Variants in RAB3GAP2 observed in about 807,000 individuals in gnomAD.
RAB3GAP2 encodes RAB3 GTPase activating non-catalytic protein subunit 2.
A neutral mutation model predicts 185.3 loss-of-function variants in RAB3GAP2; 87 were observed. The ratio of observed to expected loss-of-function variants is 0.47; its 90% CI spans 0.39 to 0.56. The LOEUF (loss-of-function observed/expected upper bound fraction) is 0.56, where lower values mean the gene tolerates loss of function less well. Ranked by LOEUF, RAB3GAP2 falls within the 20% of genes least tolerant of loss-of-function variation. RAB3GAP2 has a pLI of 0.00. For synonymous variants in RAB3GAP2, 554 were observed against 576.1 expected, an observed-to-expected ratio of 0.96 and a Z score of 0.55; for missense variants, 1,492 against 1,638.2, an observed-to-expected ratio of 0.91 and a Z score of 1.54.
chr1:220,247,492 G>A (rs896629794), intron 1 of RAB3GAP2, among the ~76,000 whole-genome samples: 3 of 152,170 alleles, frequency 2.0e-5, no homozygotes, highest in African/African-American at 4.8e-5. Flanking sequence ...TCTAAGTGAA[G>A]TAACTCAGGA....
intron 7 of RAB3GAP2, 94 bp downstream of exon 7, chr1:220,210,294 A>G (rs773546273): frequency 4.5e-5 from 41 of 916,846 alleles, no homozygotes; most frequent in Middle Eastern, 2.1e-4. Flanking sequence ...GCCACAAGAC[A>G]AAGATCTCTT....
Position 220,190,482 on chromosome 1 carries a change from T to C in RAB3GAP2, c.1526A>G (p.Asn509Ser). The C allele has an allele frequency of 1.2e-6, 2 of 1,607,402 alleles. No individual in the cohort carries two copies. The highest frequency in any genetic ancestry group is 8.5e-7 in the Non-Finnish European group (1 of 1,173,918). Reference sequence around the variant, plus strand: ...TGGCTGCCAACTCTGACTGGTAACATTATTTAAACCCATTATTTTATAGCC... The same window carrying C: ...TGGCTGCCAACTCTGACTGGTAACACTATTTAAACCCATTATTTTATAGCC... ...YPGYKIMGLN[N>S]VTSQSWQPQT... is the part of the protein sequence containing the mutation. Residue 509 changes from asparagine (N) to serine (S), a missense_variant, in exon 15 of 35, where the codon AAT becomes AGT. Physicochemically the swap from Asn to Ser is conservative, Grantham distance 46. Transcript: ENST00000358951.
chr1:220,170,981 T>C lies in RAB3GAP2; in HGVS notation c.2717A>G (p.Lys906Arg), dbSNP rs769409654. Residue 906 changes from lysine (K) to arginine (R), a missense_variant, in exon 24 of 35, where the codon AAA becomes AGA. Physicochemically the swap from Lys to Arg is conservative, Grantham distance 26. Coordinates refer to ENST00000358951, the MANE Select transcript of RAB3GAP2 (RefSeq NM_012414.4). ...CACTTTGGAGGTCTGAGTGTTCCCT[T>C]TGCTGTGAAGCAGAGTCTGAAGTAT... Reference protein sequence around the residue: ...CLILQTLLHSKGNTQTSKVSS... With the variant: ...CLILQTLLHSRGNTQTSKVSS... 13 of 1,614,074 alleles carry C rather than the reference T, an allele frequency of 8.1e-6. No individual in the cohort carries two copies. The highest frequency in any genetic ancestry group is 2.2e-5 in the South Asian group (2 of 91,084).
rs954804120 is a variant in RAB3GAP2 at position 220,253,798 on chromosome 1, C to G, written c.115+18425G>C. 41 of 1,611,980 alleles carry G rather than the reference C, an allele frequency of 2.5e-5. No individual in the cohort carries two copies. The African/African-American group carries it at 4.8e-4, about 19-fold the overall frequency. On this transcript the variant is annotated intron_variant, in intron 1 of 34. Transcript: ENST00000358951. ...CAATTTGCAGAAACAGCGAGAACTTCAAAAAGCCAATCAGGAGCAGTATGC... is the reference window on the plus strand; with the variant it reads ...CAATTTGCAGAAACAGCGAGAACTTGAAAAAGCCAATCAGGAGCAGTATGC...
chr1:220,266,439 G>T, intron 1 of RAB3GAP2: 1 of 469,780 alleles, frequency 2.1e-6, no homozygotes, highest in Non-Finnish European at 3.9e-6. Flanking sequence ...GACTGATGGG[G>T]TGGCTGCAGT....
intron 2 of RAB3GAP2, among the ~76,000 whole-genome samples, chr1:220,227,358 G>A (rs1395479691): frequency 6.6e-6 from 1 of 152,164 alleles, no homozygotes; most frequent in Non-Finnish European, 1.5e-5. Flanking sequence ...CAGAAAAAAA[G>A]AGGCTTTCTC....
intron 31 of RAB3GAP2, 140 bp from the exon 32 acceptor site, chr1:220,154,197 A>G (rs866788441): frequency 1.5e-5 from 19 of 1,254,556 alleles, no homozygotes; most frequent in Middle Eastern, 2.9e-4. Context: ...AATAATTTTT[A>G]TAACAATTAT....
chr1:220,212,159 G>C (rs1659095282), intron 4 of RAB3GAP2, among the ~76,000 whole-genome samples: 1 of 152,120 alleles, frequency 6.6e-6, no homozygotes, highest in Admixed American at 6.5e-5. Context: ...GTACCAACTT[G>C]CATTTCTTAA....
intron 1 of RAB3GAP2, 31 bp from the exon 2 acceptor site, chr1:220,232,894 T>C (rs752369104): frequency 6.3e-6 from 10 of 1,582,320 alleles, no homozygotes; most frequent in Non-Finnish European, 7.8e-6. Context: ...AATGCTTGCA[T>C]GAAATATAGG....
At chr1:220,188,668 C>T (rs1253592209) in intron 17 of RAB3GAP2, among the ~76,000 whole-genome samples, 1 of 152,088 alleles carries the variant, frequency 6.6e-6, no homozygotes, top group Admixed American at 6.6e-5. Context: ...AAGCTCACAC[C>T]CTAGCAATTC....
chr1:220,158,023 G>A lies in RAB3GAP2; in HGVS notation c.3262-147C>T, dbSNP rs1455393067. The A allele has an allele frequency of 2.9e-6, 2 of 697,108 alleles. No individual in the cohort carries two copies. The highest frequency in any genetic ancestry group is 2.6e-6 in the Non-Finnish European group (1 of 387,792). The allele number at this position is 697,108 out of a possible 1,614,324, so 43.2% of individuals were successfully genotyped here. On this transcript the variant is annotated intron_variant, in intron 29 of 34. Coordinates refer to ENST00000358951, the MANE Select transcript of RAB3GAP2 (RefSeq NM_012414.4). The surrounding 1 kb of genome is among the most constrained non-coding windows in gnomAD (Gnocchi z 4.3). ...CAAGAATTTGAAAGTCAAGGCATTA[G>A]CATATTTAAGTTCCTTCTTTTAGAT... is the stretch of plus-strand genomic sequence containing the variant.
At chr1:220,264,504 G>A (rs922690403) in intron 1 of RAB3GAP2, among the ~76,000 whole-genome samples, 3 of 151,832 alleles carry the variant, frequency 2.0e-5, no homozygotes, top group African/African-American at 7.3e-5. Context: ...AGGTACATGT[G>A]GAAAATGATT....
chr1:220,214,730 C>A (rs760414900), intron 2 of RAB3GAP2, among the ~76,000 whole-genome samples: 3 of 151,462 alleles, frequency 2.0e-5, no homozygotes, highest in Non-Finnish European at 4.4e-5. Flanking sequence ...TTCTCTTTTT[C>A]ATTAGACGTT....
intron 22 of RAB3GAP2, 128 bp from the exon 23 acceptor site, chr1:220,172,177 T>A: frequency 1.1e-6 from 1 of 882,308 alleles, no homozygotes; most frequent in Non-Finnish European, 1.8e-6. Context: ...CTCAATGAAG[T>A]GGAAGTCTAA....
rs145390187 is a variant in RAB3GAP2 at position 220,252,126 on chromosome 1, T to C, written c.116-19263A>G. ...AGCCATGATGGCACAGCCTAGGTGA[T>C]AGGCTGAGACCCTCTCTCAAAAAAA... On this transcript the variant is annotated intron_variant, in intron 1 of 34. Coordinates refer to ENST00000358951, the MANE Select transcript of RAB3GAP2 (RefSeq NM_012414.4). 5.8e-3 allele frequency among the ~76,000 whole-genome samples: 713 copies of C among 123,518 alleles called. 1 individual carries two copies. The highest frequency in any genetic ancestry group is 0.022 in the African/African-American group (671 of 31,086). The allele number at this position is 123,518 out of a possible 152,430, so 81.0% of individuals were successfully genotyped here. A position where few individuals can be genotyped will look rare whatever the true frequency, so the allele number is the denominator to read the frequency against.
At position 220,205,944 on chromosome 1, in the gene RAB3GAP2, A is replaced by G. The variant is rs776141930; in HGVS notation, c.675T>C (p.Phe225=). Reference sequence around the variant, plus strand: ...GATTTCGACAAGCACGAAGAGATTGAAAAAGGCTAAATCCATCAATAGTCA... The same window carrying G: ...GATTTCGACAAGCACGAAGAGATTGGAAAAGGCTAAATCCATCAATAGTCA... ...AIVTIDGFSL[F]QSLRACRNQV... is the part of the protein sequence containing the mutation. The change falls in exon 8 of 35, where the codon TTT becomes TTC. Residue 225 remains phenylalanine, a synonymous_variant. Coordinates refer to ENST00000358951, the MANE Select transcript of RAB3GAP2 (RefSeq NM_012414.4). 3.1e-6 allele frequency: 5 copies of G among 1,610,780 alleles called. No homozygotes were observed. The South Asian group carries it at 5.5e-5, about 18-fold the overall frequency.
intron 13 of RAB3GAP2, among the ~76,000 whole-genome samples, chr1:220,192,168 A>G (rs1007785150): frequency 1.3e-5 from 2 of 152,204 alleles, no homozygotes; most frequent in East Asian, 3.8e-4. Flanking sequence ...TCTTGCTGAG[A>G]ACATACCTTT....
rs1558135656 is a variant in RAB3GAP2 at position 220,149,777 on chromosome 1, G to GTT, written c.*1472_*1473dup. 1 of 152,174 alleles carries GTT rather than the reference G, an allele frequency of 6.6e-6. No homozygotes were observed. Among genetic ancestry groups the GTT allele is most frequent in the African/African-American group, 2.4e-5 (1 of 41,442 alleles). The allele number at this position is 152,174 out of a possible 1,614,324, so 9.4% of individuals were successfully genotyped here. A position where few individuals can be genotyped will look rare whatever the true frequency, so the allele number is the denominator to read the frequency against. The stretch of plus-strand genomic sequence containing the variant: ...ATCTTGTAAGATTTCAAGTTTGATA[G>GTT]TTACTTAACAGTAATTACTAAATTT... On this transcript the variant is annotated 3_prime_UTR_variant, in exon 35 of 35. Coordinates refer to ENST00000358951, the MANE Select transcript of RAB3GAP2 (RefSeq NM_012414.4).
chr1:220,193,739 TC>T (rs1400258305), intron 12 of RAB3GAP2, among the ~76,000 whole-genome samples: 135 of 152,310 alleles, frequency 8.9e-4, no homozygotes, highest in African/African-American at 3.1e-3. Context: ...TATTTTAAAT[TC>T]TTCTTCTTAA....
Sources: allele counts gnomAD v4.1 joint callset (sites outside exome capture counted in the v4.1 genomes callset), GRCh38; gene constraint gnomAD v4.1.1; non-coding constraint Gnocchi (gnomAD v3.1); transcripts MANE v1.5; gene names NCBI Gene and HGNC (gene_info 2026-07-23, HGNC 2026-07-21).